PTPRF: variants seen among roughly 807,000 people sequenced by gnomAD.
PTPRF encodes the protein receptor-type tyrosine-protein phosphatase F.
Under a neutral mutation model 201.8 loss-of-function variants are expected in PTPRF, and 59 were observed. The observed-to-expected ratio is 0.29, with a 90% CI of 0.24 to 0.36. The LOEUF is 0.36. PTPRF is among the 10% of genes least tolerant of loss of function. The pLI, the probability that PTPRF is intolerant of heterozygous loss-of-function variation, is 1.00. For missense variants in PTPRF, 2,132 were observed against 2,690.5 expected (o/e 0.79, Z 4.59); for synonymous variants, 1,088 against 1,089.7 (o/e 1.00, Z 0.03).
intron 7 of PTPRF, among the ~76,000 whole-genome samples, chr1:43,584,148 GC>G (rs1321987694): frequency 6.6e-6 from 1 of 152,170 alleles, no homozygotes; most frequent in East Asian, 1.9e-4. Flanking sequence ...GGCAGCAGGG[GC>G]TAGTGGTCAT....
chr1:43,619,884 C>T, intron 29 of PTPRF, 26 bp downstream of exon 29: 8 of 1,610,290 alleles, frequency 5.0e-6, no homozygotes, highest in Non-Finnish European at 6.8e-6. Context: ...ACTGCCCCAC[C>T]ATGCCCTACA....
At position 43,620,829 on chromosome 1, in the gene PTPRF, C is replaced by T. The variant is rs371023769; in HGVS notation, c.5365-9C>T. On this transcript the variant is annotated splice_polypyrimidine_tract_variant and intron_variant, in intron 31 of 33. Coordinates refer to ENST00000359947, the MANE Select transcript of PTPRF (RefSeq NM_002840.5). ...AATTCTAATCATGTACCCCACCCAC[C>T]TTTCCCAGGATGGGCAGTCAAGGAC... 1 of 1,607,832 alleles carries T rather than the reference C, an allele frequency of 6.2e-7. No homozygotes were observed. The highest frequency in any genetic ancestry group is 8.5e-7 in the Non-Finnish European group (1 of 1,176,470).
At chr1:43,608,267 T>A (rs891378649) in intron 21 of PTPRF, among the ~76,000 whole-genome samples, 1 of 152,188 alleles carries the variant, frequency 6.6e-6, no homozygotes, top group Non-Finnish European at 1.5e-5. Flanking sequence ...GGCTGAGTGC[T>A]TGGTGGAAAC....
At chr1:43,578,787 C>G in intron 6 of PTPRF, 23 bp from the exon 7 acceptor site, 1 of 1,585,526 alleles carries the variant, frequency 6.3e-7, no homozygotes, top group Non-Finnish European at 8.6e-7. Context: ...CCGTGCCTGA[C>G]CTCTCGCTTC....
Position 43,604,824 on chromosome 1 carries a change from C to T in PTPRF, c.3038-79C>T, listed in dbSNP as rs1245960322. On this transcript the variant is annotated intron_variant, in intron 16 of 33. Transcript: ENST00000359947. ...TTCCCCAACCAGTGTCTCATCCTGGCCATTCACCTTCCACCCTTCCAGCCC... is the reference window on the plus strand; with the variant it reads ...TTCCCCAACCAGTGTCTCATCCTGGTCATTCACCTTCCACCCTTCCAGCCC... 9.1e-6 allele frequency: 11 copies of T among 1,212,528 alleles called. No homozygotes were observed. In the South Asian group the frequency reaches 1.2e-4, roughly 14 times the overall value. The allele number at this position is 1,212,528 out of a possible 1,614,324, so 75.1% of individuals were successfully genotyped here.
chr1:43,598,954 G>C, intron 13 of PTPRF, 41 bp downstream of exon 13: 2 of 1,586,984 alleles, frequency 1.3e-6, no homozygotes, highest in Non-Finnish European at 1.7e-6. Context: ...GGTGAGCACA[G>C]ACCAGCATGC....
chr1:43,522,324 T>C (rs1040135616), upstream of PTPRF, among the ~76,000 whole-genome samples: 2 of 151,972 alleles, frequency 1.3e-5, no homozygotes, highest in Non-Finnish European at 2.9e-5. Context: ...AGGAAATGAG[T>C]GAAAGAGTAA....
At chr1:43,582,972 C>A in intron 7 of PTPRF, 3 of 708,576 alleles carry the variant, frequency 4.2e-6, no homozygotes, top group Non-Finnish European at 5.2e-6. Context: ...GCTGTGTGGG[C>A]AGATGAAGGT....
At chr1:43,610,548 C>T (rs1246609984) in intron 22 of PTPRF, among the ~76,000 whole-genome samples, 1 of 152,250 alleles carries the variant, frequency 6.6e-6, no homozygotes, top group Non-Finnish European at 1.5e-5. Context: ...CAGACTATGG[C>T]CCGTGGCCAA....
At position 43,571,718 on chromosome 1, in the gene PTPRF, C is replaced by T. The variant is rs886286689; in HGVS notation, c.568+1940C>T. Among the ~76,000 whole-genome samples the T allele has an allele frequency of 2.0e-5, 3 of 152,344 alleles. No individual in the cohort carries two copies. In the East Asian group the frequency reaches 5.8e-4, roughly 29 times the overall value. ...CCCGAGAATCCATCATCCTGTAGGT[C>T]AGGTTTGCTGCTCATACCTTCCTGT... is the stretch of plus-strand genomic sequence containing the variant. On this transcript the variant is annotated intron_variant, in intron 6 of 33. Coordinates refer to ENST00000359947, the MANE Select transcript of PTPRF (RefSeq NM_002840.5).
rs1226668425 is a variant in PTPRF at position 43,604,965 on chromosome 1, G to T, written c.3100G>T (p.Val1034Phe). Reference sequence around the variant, plus strand: ...GACGTCTGTGCTGCTCAGCTGGGAGGTTCCCGACTCCTATAAGTCAGCTGT... The same window carrying T: ...GACGTCTGTGCTGCTCAGCTGGGAGTTTCCCGACTCCTATAAGTCAGCTGT... ...MKTSVLLSWE[V>F]PDSYKSAVPF... The change falls in exon 17 of 34, where the codon GTT becomes TTT. Residue 1034 changes from valine (V) to phenylalanine (F), a missense_variant. Val to Phe is a conservative substitution (Grantham distance 50, BLOSUM62 -1). Around this residue, in one of 6 missense-constraint regions of PTPRF, gnomAD observed 818 missense variants for 915.3 expected, o/e 0.89. Coordinates refer to ENST00000359947, the MANE Select transcript of PTPRF (RefSeq NM_002840.5). The T allele has an allele frequency of 6.2e-7, 1 of 1,614,172 alleles. No individual in the cohort carries two copies. Among genetic ancestry groups the T allele is most frequent in the South Asian group, 1.1e-5 (1 of 91,086 alleles).
chr1:43,615,667 C>A (rs1194421779), intron 23 of PTPRF, among the ~76,000 whole-genome samples: 1 of 147,934 alleles, frequency 6.8e-6, no homozygotes, highest in African/African-American at 2.5e-5. Context: ...CCTGGGTTCA[C>A]GCCATTCTCC....
chr1:43,586,786 G>A (rs1649271863), intron 7 of PTPRF, among the ~76,000 whole-genome samples: 1 of 152,232 alleles, frequency 6.6e-6, no homozygotes, highest in African/African-American at 2.4e-5. Flanking sequence ...TGTGTTGGGA[G>A]AAGCCATCCC....
intron 7 of PTPRF, among the ~76,000 whole-genome samples, chr1:43,587,950 C>A (rs972190732): frequency 6.6e-6 from 1 of 152,216 alleles, no homozygotes; most frequent in African/African-American, 2.4e-5. Context: ...TGGCCAGGCA[C>A]AGCCACAGCC....
intron 2 of PTPRF, 70 bp from the exon 3 acceptor site, chr1:43,544,961 G>C: frequency 2.3e-6 from 2 of 879,798 alleles, no homozygotes; most frequent in Non-Finnish European, 3.4e-6. Context: ...GGGTCAGAAA[G>C]CGTCAGGGGT....
In PTPRF at chr1:43,597,741, T is replaced by TTCC. The variant is rs1557811016; in HGVS notation, c.1814-7_1814-6insTCC. On this transcript the variant is annotated splice_polypyrimidine_tract_variant and splice_region_variant and intron_variant, in intron 11 of 33. Coordinates refer to ENST00000359947, the MANE Select transcript of PTPRF (RefSeq NM_002840.5). The stretch of plus-strand genomic sequence containing the variant: ...CTGCTTGCTTCCCCCCCATTTGTCT[T>TTCC]CCCCAGCCCCCTCCGCCCCTCCCCA... 1.4e-5 allele frequency: 21 copies of TTCC among 1,517,922 alleles called. No individual in the cohort carries two copies. The highest frequency in any genetic ancestry group is 3.8e-5 in the Admixed American group (2 of 51,956). The allele number at this position is 1,517,922 out of a possible 1,614,324, so 94.0% of individuals were successfully genotyped here.
intron 7 of PTPRF, chr1:43,580,027 T>TG (rs1442285285): frequency 2.0e-5 from 3 of 149,262 alleles, no homozygotes; most frequent in Non-Finnish European, 4.4e-5. Flanking sequence ...GTCGCGCCAC[T>TG]GCACTCCAGC....
In PTPRF at chr1:43,542,033, T is replaced by G. The variant is rs549426635; in HGVS notation, c.-45-2998T>G. Among the ~76,000 whole-genome samples, 5 of 152,270 alleles carry G rather than the reference T, an allele frequency of 3.3e-5. No individual in the cohort carries two copies. Among genetic ancestry groups the G allele is most frequent in the African/African-American group, 1.2e-4 (5 of 41,548 alleles). On this transcript the variant is annotated intron_variant, in intron 2 of 33. Transcript: ENST00000359947. This position sits in a 1 kb window ranked among gnomAD's most constrained non-coding sequence, Gnocchi z 5.2. ...AAGATGCTCAACCTCGCAACCGCAG[T>G]CAGGCTAGCAGCAGCCCTGCCCCTT...
intron 6 of PTPRF, 107 bp downstream of exon 6, chr1:43,569,885 C>A (rs972687555): frequency 2.4e-6 from 3 of 1,233,358 alleles, no homozygotes; most frequent in African/African-American, 3.1e-5. Context: ...CAGGGCTGAG[C>A]GGAGGGTACC....
Sources: gnomAD v4.1 joint callset for allele counts (sites outside exome capture counted in the v4.1 genomes callset) on GRCh38, gnomAD v4.1.1 for gene constraint, gnomAD v4.1.1 regional missense constraint, Gnocchi (gnomAD v3.1) non-coding constraint, MANE v1.5 for transcripts, NCBI Gene and HGNC (gene_info 2026-07-23, HGNC 2026-07-21) for gene names.